MAP2K6: variants seen among roughly 807,000 people sequenced by gnomAD.
MAP2K6 encodes dual specificity mitogen-activated protein kinase kinase 6.
Under a neutral mutation model 53.7 loss-of-function variants are expected in MAP2K6, and 16 were observed. The ratio of observed to expected loss-of-function variants is 0.30; its 90% confidence interval spans 0.20 to 0.45. MAP2K6 has a LOEUF of 0.45. Ranked by LOEUF, MAP2K6 falls within the 20% of genes least tolerant of loss-of-function variation. The pLI is 1.00. For missense variants in MAP2K6, 204 were observed against 411.9 expected (o/e 0.50, Z 4.37); for synonymous variants, 132 against 143.1 (o/e 0.92, Z 0.55).
chr17:69,457,458 T>C (rs1907451763), intron 1 of MAP2K6, among the ~76,000 whole-genome samples: 1 of 152,164 alleles, frequency 6.6e-6, no homozygotes, highest in South Asian at 2.1e-4. Context: ...CTTATTAAAG[T>C]CTGTCCTTCC....
At chr17:69,519,203 C>A in intron 4 of MAP2K6, 110 bp from the exon 5 acceptor site, 1 of 1,262,408 alleles carries the variant, frequency 7.9e-7, no homozygotes, top group Non-Finnish European at 1.1e-6. Flanking sequence ...TTCACAATGT[C>A]ATCGCCAGAA....
At position 69,449,553 on chromosome 17, in the gene MAP2K6, C is replaced by CTTTA. The variant is rs1379930305; in HGVS notation, c.16+34556_16+34557insATTT. On this transcript the variant is annotated intron_variant, in intron 1 of 11. Coordinates refer to ENST00000590474, the MANE Select transcript of MAP2K6 (RefSeq NM_002758.4). ...TTTGTCTTTCTTTCTTTCTTTCTTT[C>CTTTA]TTTCTTTATTTCTTTCTTTCTTTCT... Among the ~76,000 whole-genome samples the CTTTA allele has an allele frequency of 8.9e-3, 937 of 105,434 alleles. 4 individuals carry two copies. Among genetic ancestry groups the CTTTA allele is most frequent in the African/African-American group, 0.012 (230 of 19,998 alleles). The allele number at this position is 105,434 out of a possible 152,430, so 69.2% of individuals were successfully genotyped here.
At chr17:69,503,145 C>T (rs148570876) in intron 1 of MAP2K6, among the ~76,000 whole-genome samples, 38 of 152,198 alleles carry the variant, frequency 2.5e-4, no homozygotes, top group African/African-American at 7.2e-4. Context: ...TGTAGGGTCG[C>T]CTTTTGGGAT....
intron 4 of MAP2K6, among the ~76,000 whole-genome samples, chr17:69,518,326 G>A (rs1910282576): frequency 6.6e-6 from 1 of 152,176 alleles, no homozygotes; most frequent in Admixed American, 6.6e-5. Context: ...GCATCCCAAT[G>A]AAAGTTTACG....
chr17:69,444,060 C>T (rs763757393), intron 1 of MAP2K6, among the ~76,000 whole-genome samples: 6 of 152,186 alleles, frequency 3.9e-5, no homozygotes, highest in Non-Finnish European at 8.8e-5. Context: ...AAAGTCCATG[C>T]TCTTCTTCTA....
rs1450247911 is a variant in MAP2K6 at position 69,547,304 on chromosome 17, G to C, written c.*5551G>C. 6.6e-6 allele frequency: 1 copy of C among 152,200 alleles called. No individual in the cohort carries two copies. The highest frequency in any genetic ancestry group is 2.4e-5 in the African/African-American group (1 of 41,452). The allele number at this position is 152,200 out of a possible 1,614,324, so 9.4% of individuals were successfully genotyped here. ...AGACCACGGTTGGCAAACTTTTTCT[G>C]TATAGGACCAGATAGTAAATATTTT... On this transcript the variant is annotated 3_prime_UTR_variant, in exon 12 of 12. Coordinates refer to ENST00000590474, the MANE Select transcript of MAP2K6 (RefSeq NM_002758.4).
At chr17:69,419,901 C>T (rs1036148580) in intron 1 of MAP2K6, among the ~76,000 whole-genome samples, 3 of 133,978 alleles carry the variant, frequency 2.2e-5, no homozygotes, top group African/African-American at 8.7e-5. Context: ...GTGACAGAGC[C>T]AGACTTCATC....
intron 1 of MAP2K6, among the ~76,000 whole-genome samples, chr17:69,483,474 G>A (rs118184450): frequency 4.6e-5 from 7 of 151,988 alleles, no homozygotes; most frequent in East Asian, 1.9e-4. Flanking sequence ...ATGCAAAGGC[G>A]TACCATGTTC....
chr17:69,492,577 C>T (rs1391653562), intron 1 of MAP2K6, among the ~76,000 whole-genome samples: 1 of 152,174 alleles, frequency 6.6e-6, no homozygotes, highest in Non-Finnish European at 1.5e-5. Flanking sequence ...GTCAGGCTCC[C>T]TCCAGAGGCT....
intron 1 of MAP2K6, among the ~76,000 whole-genome samples, chr17:69,496,352 A>G (rs1598290399): frequency 6.7e-6 from 1 of 149,942 alleles, no homozygotes; most frequent in Non-Finnish European, 1.5e-5. Flanking sequence ...GCTCACTGCA[A>G]CCTCTGCCTC....
At chr17:69,443,429 C>A (rs1906880366) in intron 1 of MAP2K6, among the ~76,000 whole-genome samples, 2 of 152,210 alleles carry the variant, frequency 1.3e-5, no homozygotes, top group Admixed American at 1.3e-4. Context: ...TAGTGTTAGA[C>A]CCTGCCCTCT....
intron 1 of MAP2K6, among the ~76,000 whole-genome samples, chr17:69,462,088 A>G (rs574870647): frequency 6.6e-5 from 10 of 152,306 alleles, no homozygotes; most frequent in African/African-American, 2.4e-4. Context: ...ATGCGAAAGT[A>G]TGCTGCATTT....
chr17:69,537,662 T>C (rs931810525), intron 11 of MAP2K6, among the ~76,000 whole-genome samples: 9 of 152,216 alleles, frequency 5.9e-5, no homozygotes, highest in African/African-American at 1.9e-4. Context: ...TGATTGAAGA[T>C]TGAACCATTT....
At chr17:69,507,814 G>T (rs1338073398) in intron 2 of MAP2K6, among the ~76,000 whole-genome samples, 2 of 152,094 alleles carry the variant, frequency 1.3e-5, no homozygotes, top group Non-Finnish European at 2.9e-5. Context: ...ATGAGAATAG[G>T]TCTTCATTTC....
chr17:69,422,008 C>T (rs2145127277), intron 1 of MAP2K6, among the ~76,000 whole-genome samples: 1 of 152,018 alleles, frequency 6.6e-6, no homozygotes, highest in East Asian at 1.9e-4. Context: ...CTTTGATGGT[C>T]TTCCTGAGTT....
intron 1 of MAP2K6, among the ~76,000 whole-genome samples, chr17:69,448,143 T>C (rs1450781166): frequency 6.6e-6 from 1 of 152,110 alleles, no homozygotes; most frequent in Non-Finnish European, 1.5e-5. Context: ...CCCTAATTTG[T>C]CTTGTTGTTT....
chr17:69,470,433 G>A (rs574243041), intron 1 of MAP2K6, among the ~76,000 whole-genome samples: 74 of 152,134 alleles, frequency 4.9e-4, no homozygotes, highest in Non-Finnish European at 4.7e-4. Context: ...TGCTTCATCC[G>A]TCAGGGAAGG....
At chr17:69,524,190 A>ATG (rs745399485) in intron 8 of MAP2K6, among the ~76,000 whole-genome samples, 1 of 152,052 alleles carries the variant, frequency 6.6e-6, no homozygotes, top group Non-Finnish European at 1.5e-5. Context: ...TTATATATAT[A>ATG]TTACTTTAAA....
intron 2 of MAP2K6, among the ~76,000 whole-genome samples, chr17:69,516,004 T>C (rs1910121049): frequency 6.6e-6 from 1 of 152,224 alleles, no homozygotes; most frequent in Admixed American, 6.5e-5. Flanking sequence ...CAATGACCTA[T>C]ATCAGCGGTC....
Sources: allele counts gnomAD v4.1 joint callset (sites outside exome capture counted in the v4.1 genomes callset), GRCh38; gene constraint gnomAD v4.1.1; transcripts MANE v1.5; gene names NCBI Gene and HGNC (gene_info 2026-07-23, HGNC 2026-07-21).